TNIP3: variants seen among roughly 807,000 people sequenced by gnomAD.
TNIP3 encodes the protein TNFAIP3 interacting protein 3.
Under a neutral mutation model 54.1 loss-of-function variants are expected in TNIP3, and 34 were observed. The observed-to-expected ratio is 0.63, with a 90% CI of 0.48 to 0.84. The LOEUF is 0.84. TNIP3 is among the 40% of genes least tolerant of loss of function. The pLI is 0.00. For missense variants in TNIP3, 366 were observed against 387.6 expected (o/e 0.94, Z 0.47); for synonymous variants, 134 against 136.8 (o/e 0.98, Z 0.14).
chr4:121,206,407 A>T (rs1726192458), intron 2 of TNIP3, among the ~76,000 whole-genome samples: 2 of 152,198 alleles, frequency 1.3e-5, no homozygotes, highest in African/African-American at 4.8e-5. Context: ...ATTTGATGAT[A>T]ATCAACTTGT....
At chr4:121,197,394 G>T (rs1725655464) in intron 2 of TNIP3, among the ~76,000 whole-genome samples, 1 of 152,008 alleles carries the variant, frequency 6.6e-6, no homozygotes, top group African/African-American at 2.4e-5. Flanking sequence ...TGGGCGTGGT[G>T]GCGGGTGCCT....
chr4:121,152,936 G>A (rs1384304812), intron 5 of TNIP3, among the ~76,000 whole-genome samples: 1 of 152,044 alleles, frequency 6.6e-6, no homozygotes, highest in African/African-American at 2.4e-5. Flanking sequence ...ACCAAGATTA[G>A]TAGCTAGAAA....
At chr4:121,170,939 C>T (rs942027825) in intron 3 of TNIP3, among the ~76,000 whole-genome samples, 3 of 152,128 alleles carry the variant, frequency 2.0e-5, no homozygotes, top group Admixed American at 6.5e-5. Flanking sequence ...CCTTCGCCTC[C>T]CGAGTAGCTG....
In TNIP3 at chr4:121,153,913, T is replaced by C. The variant is rs189471147; in HGVS notation, c.492+638A>G. Among the ~76,000 whole-genome samples, 4 of 152,278 alleles carry C rather than the reference T, an allele frequency of 2.6e-5. No homozygotes were observed. In the East Asian group the frequency reaches 7.7e-4, roughly 29 times the overall value. ...CTATGTTCCACATATGGGTTGGCTC[T>C]TGGAAAAGTCAACAGTATAGGATTA... On this transcript the variant is annotated intron_variant, in intron 5 of 10. Coordinates refer to ENST00000057513, the MANE Select transcript of TNIP3 (RefSeq NM_024873.6).
upstream of TNIP3, among the ~76,000 whole-genome samples, chr4:121,220,789 T>C (rs1431258882): frequency 2.6e-5 from 4 of 152,286 alleles, no homozygotes; most frequent in Admixed American, 2.0e-4. Context: ...GTGCCTTAAG[T>C]GCCAGTCTGT....
upstream of TNIP3, among the ~76,000 whole-genome samples, chr4:121,168,521 C>T (rs1488491813): frequency 1.5e-5 from 2 of 132,350 alleles, no homozygotes; most frequent in African/African-American, 2.7e-5. Flanking sequence ...CTTTTCTTTG[C>T]TTTTTTTTTT....
intron 2 of TNIP3, among the ~76,000 whole-genome samples, chr4:121,197,233 A>T (rs952806086): frequency 6.6e-6 from 1 of 152,140 alleles, no homozygotes; most frequent in African/African-American, 2.4e-5. Context: ...TCTCTTTAAG[A>T]ACACCTAAGT....
chr4:121,209,430 G>A (rs1726358575), intron 2 of TNIP3, among the ~76,000 whole-genome samples: 1 of 152,166 alleles, frequency 6.6e-6, no homozygotes, highest in South Asian at 2.1e-4. Context: ...ACTTCTGGTA[G>A]TGTCAACACC....
intron 3 of TNIP3, among the ~76,000 whole-genome samples, chr4:121,174,824 G>A (rs1253722782): frequency 2.0e-5 from 3 of 152,166 alleles, no homozygotes; most frequent in South Asian, 2.1e-4. Flanking sequence ...CATCTAGAAG[G>A]TGGACATGAG....
At chr4:121,136,857 GA>G (rs11338982) in intron 10 of TNIP3, among the ~76,000 whole-genome samples, 19,461 of 58,906 alleles carry the variant, frequency 0.33, 1,520 homozygotes, top group African/African-American at 0.48. Context: ...GACTGTCTCC[GA>G]AAAAAAAAAA....
At chr4:121,135,583 G>A (rs766694926) in intron 10 of TNIP3, among the ~76,000 whole-genome samples, 1 of 151,942 alleles carries the variant, frequency 6.6e-6, no homozygotes, top group African/African-American at 2.4e-5. Context: ...TTTTTTTGTA[G>A]AGACAGGGTT....
At chr4:121,140,094 G>A (rs1429329260) in intron 9 of TNIP3, among the ~76,000 whole-genome samples, 5 of 152,266 alleles carry the variant, frequency 3.3e-5, no homozygotes, top group Non-Finnish European at 2.9e-5. Context: ...TCAGCACTTT[G>A]GGAGGCCAAG....
At chr4:121,154,722 T>A (rs1334399944) in intron 4 of TNIP3, 43 bp from the exon 5 acceptor site, 1 of 1,538,876 alleles carries the variant, frequency 6.5e-7, no homozygotes, top group African/African-American at 1.4e-5. Context: ...TCAGTACAAG[T>A]CAAATGAGAT....
At chr4:121,161,534 CA>C (rs1355876072) in intron 1 of TNIP3, among the ~76,000 whole-genome samples, 1 of 151,634 alleles carries the variant, frequency 6.6e-6, no homozygotes, top group East Asian at 1.9e-4. Flanking sequence ...AATCCTTTTC[CA>C]AAAAAATGAC....
At chr4:121,193,432 C>T (rs189391073) in intron 2 of TNIP3, among the ~76,000 whole-genome samples, 15 of 152,078 alleles carry the variant, frequency 9.9e-5, no homozygotes, top group African/African-American at 3.4e-4. Flanking sequence ...GAATTACTAA[C>T]CTATACTGAT....
At chr4:121,176,690 T>G (rs747934075) in intron 3 of TNIP3, among the ~76,000 whole-genome samples, 3 of 147,844 alleles carry the variant, frequency 2.0e-5, no homozygotes, top group Non-Finnish European at 4.5e-5. Flanking sequence ...AAAAGGGAAA[T>G]AAGAAAAGGA....
chr4:121,156,650 C>T (rs1730104756), intron 4 of TNIP3, among the ~76,000 whole-genome samples: 1 of 152,116 alleles, frequency 6.6e-6, no homozygotes, highest in Admixed American at 6.5e-5. Context: ...AGTAAGACCT[C>T]ATATATAAAT....
upstream of TNIP3, among the ~76,000 whole-genome samples, chr4:121,164,983 G>A (rs182162461): frequency 3.3e-5 from 5 of 152,070 alleles, no homozygotes; most frequent in East Asian, 3.9e-4. Context: ...AGATAAAAGC[G>A]TGGAAATGGC....
chr4:121,208,814 A>C (rs894421286), intron 2 of TNIP3, among the ~76,000 whole-genome samples: 4 of 152,206 alleles, frequency 2.6e-5, no homozygotes, highest in Non-Finnish European at 5.9e-5. Context: ...TATTTTAACT[A>C]TACAGTCCTC....
Sources: gnomAD v4.1 joint callset for allele counts (sites outside exome capture counted in the v4.1 genomes callset) on GRCh38, gnomAD v4.1.1 for gene constraint, MANE v1.5 for transcripts, NCBI Gene and HGNC (gene_info 2026-07-23, HGNC 2026-07-21) for gene names.